ZNRF2: variants seen among roughly 807,000 people sequenced by gnomAD.
The protein encoded by ZNRF2 is zinc and ring finger 2, also known as E3 ubiquitin-protein ligase ZNRF2.
In ZNRF2, 16 loss-of-function variants were observed where a neutral mutation model predicts 20.4. The ratio of observed to expected loss-of-function variants is 0.79; its 90% CI spans 0.53 to 1.19. The LOEUF (loss-of-function observed/expected upper bound fraction) is 1.19. Among genes scored for constraint, ZNRF2 ranks in the 50% most tolerant of loss-of-function variants. The pLI is 0.00. For synonymous variants in ZNRF2, 178 were observed against 144.9 expected, an observed-to-expected ratio of 1.23 and a Z score of -1.64; for missense variants, 363 against 332.4, an observed-to-expected ratio of 1.09 and a Z score of -0.72.
At chr7:30,303,937 ATT>A (rs1306225225) in intron 1 of ZNRF2, among the ~76,000 whole-genome samples, 1 of 152,116 alleles carries the variant, frequency 6.6e-6, no homozygotes, top group Non-Finnish European at 1.5e-5. Context: ...CAGGAACTCT[ATT>A]TGTGGTTCCA....
At position 30,362,415 on chromosome 7, in the gene ZNRF2, C is replaced by T; in HGVS notation, c.710C>T (p.Pro237Leu). Reference protein sequence around the residue: ...DEWFEVNRSCPEHPSD With the variant: ...DEWFEVNRSCLEHPSD ...TGGTTTGAAGTAAATAGATCTTGCCCTGAGCACCCTTCAGATTAAGCGTCA... is the reference window on the plus strand; with the variant it reads ...TGGTTTGAAGTAAATAGATCTTGCCTTGAGCACCCTTCAGATTAAGCGTCA... The change falls in exon 4 of 5, where the codon CCT becomes CTT. Residue 237 changes from proline (P) to leucine (L), a missense_variant. Physicochemically the swap from Pro to Leu is moderately conservative, Grantham distance 98. Around this residue, in one of 2 missense-constraint regions of ZNRF2, gnomAD observed 61 missense variants for 100.9 expected, o/e 0.60. Coordinates refer to ENST00000323037, the MANE Select transcript of ZNRF2 (RefSeq NM_147128.4). The T allele has an allele frequency of 6.3e-7, 1 of 1,599,300 alleles. No individual in the cohort carries two copies. Among genetic ancestry groups the T allele is most frequent in the Non-Finnish European group, 8.5e-7 (1 of 1,170,688 alleles).
intron 2 of ZNRF2, among the ~76,000 whole-genome samples, chr7:30,341,978 G>T (rs999395707): frequency 6.6e-6 from 1 of 151,426 alleles, no homozygotes; most frequent in African/African-American, 2.4e-5. Flanking sequence ...TATGTAATGC[G>T]CTTCTTTGTC....
chr7:30,298,961 C>T (rs147454766), intron 1 of ZNRF2, among the ~76,000 whole-genome samples: 6,098 of 152,260 alleles, frequency 0.04, 394 homozygotes, highest in African/African-American at 0.14. Flanking sequence ...AAAGGTACTG[C>T]TTTTTATTTC....
intron 3 of ZNRF2, among the ~76,000 whole-genome samples, chr7:30,357,159 C>T (rs1800053518): frequency 6.6e-6 from 1 of 152,108 alleles, no homozygotes; most frequent in Admixed American, 6.5e-5. Context: ...TTTGATCTAA[C>T]TGATGTGTAT....
rs184488886 is a variant in ZNRF2, at chr7:30,338,898, C to T, written c.565+15161C>T. Among the ~76,000 whole-genome samples the T allele has an allele frequency of 3.3e-3, 505 of 152,226 alleles. 3 individuals are homozygous for T. Among genetic ancestry groups the T allele is most frequent in the African/African-American group, 0.011 (477 of 41,546 alleles). ...CTAATTTACACTCCCACCAACAGTG[C>T]AAAAGTGTTCCCATTTCTCCACATC... On this transcript the variant is annotated intron_variant, in intron 2 of 4. Transcript: ENST00000323037.
rs546492682 is a variant in ZNRF2 at position 30,292,498 on chromosome 7, A to G, written c.469+6672A>G. ...GGGGCCTTATTATTCTATTTGGGAG[A>G]GATAGTAAACAGACAAGTAAAATAC... On this transcript the variant is annotated intron_variant, in intron 1 of 4. Coordinates refer to ENST00000323037, the MANE Select transcript of ZNRF2 (RefSeq NM_147128.4). Among the ~76,000 whole-genome samples, 12 of 152,204 alleles carry G rather than the reference A, an allele frequency of 7.9e-5. No individual in the cohort carries two copies. In the South Asian group the frequency reaches 2.5e-3, roughly 32 times the overall value.
intron 3 of ZNRF2, among the ~76,000 whole-genome samples, chr7:30,360,006 A>G (rs148202682): frequency 2.5e-4 from 38 of 152,330 alleles, no homozygotes; most frequent in African/African-American, 8.7e-4. Flanking sequence ...CAATTGGCCA[A>G]TAAATAATAC....
intron 1 of ZNRF2, among the ~76,000 whole-genome samples, chr7:30,322,579 GTC>G (rs758895696): frequency 6.6e-6 from 1 of 151,662 alleles, no homozygotes; most frequent in Non-Finnish European, 1.5e-5. Context: ...GGACACCACT[GTC>G]TCTCTTTTAC....
intron 3 of ZNRF2, among the ~76,000 whole-genome samples, chr7:30,360,289 C>T (rs1022656938): frequency 2.2e-4 from 34 of 152,076 alleles, no homozygotes; most frequent in African/African-American, 7.7e-4. Context: ...TGTATTTGGG[C>T]GCAAACTCCT....
intron 1 of ZNRF2, among the ~76,000 whole-genome samples, chr7:30,290,641 A>T (rs1401299174): frequency 6.6e-6 from 1 of 152,244 alleles, no homozygotes; most frequent in East Asian, 1.9e-4. Flanking sequence ...CATTAGAAGC[A>T]AGTCATAGGT....
intron 1 of ZNRF2, among the ~76,000 whole-genome samples, chr7:30,286,261 C>T (rs1798787232): frequency 6.6e-6 from 1 of 152,190 alleles, no homozygotes; most frequent in Non-Finnish European, 1.5e-5. Context: ...CAAAGCGTCT[C>T]AAATGAACAC....
At chr7:30,310,290 T>G (rs979981704) in intron 1 of ZNRF2, among the ~76,000 whole-genome samples, 1 of 152,204 alleles carries the variant, frequency 6.6e-6, no homozygotes, top group Non-Finnish European at 1.5e-5. Flanking sequence ...TACTGGCAGC[T>G]TACAGATGAG....
chr7:30,351,249 T>C (rs1799957612), intron 2 of ZNRF2, among the ~76,000 whole-genome samples: 1 of 152,050 alleles, frequency 6.6e-6, no homozygotes, highest in South Asian at 2.1e-4. Context: ...TTACCTATTA[T>C]ATATTTTAAG....
intron 1 of ZNRF2, among the ~76,000 whole-genome samples, chr7:30,296,855 TA>T (rs1467438088): frequency 6.6e-6 from 1 of 152,226 alleles, no homozygotes; most frequent in African/African-American, 2.4e-5. Flanking sequence ...ATGTATGTGT[TA>T]GGAAAGTTAC....
chr7:30,325,254 T>G (rs887086228), intron 2 of ZNRF2, among the ~76,000 whole-genome samples: 7 of 152,216 alleles, frequency 4.6e-5, no homozygotes, highest in Non-Finnish European at 1.0e-4. Flanking sequence ...TTTCATTTTT[T>G]TTAAATATAA....
intron 1 of ZNRF2, among the ~76,000 whole-genome samples, chr7:30,290,110 A>G (rs1256210016): frequency 2.6e-5 from 4 of 152,152 alleles, no homozygotes; most frequent in Admixed American, 1.3e-4. Flanking sequence ...TTATGTAGCA[A>G]ATTACTTCCT....
chr7:30,327,556 A>G (rs920283130), intron 2 of ZNRF2, among the ~76,000 whole-genome samples: 2 of 152,118 alleles, frequency 1.3e-5, no homozygotes, highest in Non-Finnish European at 1.5e-5. Context: ...TGGGGATACT[A>G]TAACAACCAA....
At chr7:30,304,875 C>G (rs1479946248) in intron 1 of ZNRF2, among the ~76,000 whole-genome samples, 1 of 152,206 alleles carries the variant, frequency 6.6e-6, no homozygotes, top group Non-Finnish European at 1.5e-5. Flanking sequence ...TGTGCTGGAA[C>G]TAGCTCTTCC....
chr7:30,314,788 A>AATATAT lies in ZNRF2; in HGVS notation c.470-8843_470-8838dup, dbSNP rs139581545. On this transcript the variant is annotated intron_variant, in intron 1 of 4. Transcript: ENST00000323037. ...TCTGCATAGTTTTCCAAATATGGGA[A>AATATAT]ATATATATATATATATGTATATATG... Among the ~76,000 whole-genome samples the AATATAT allele has an allele frequency of 8.7e-3, 1,296 of 148,128 alleles. 9 individuals are homozygous for AATATAT. Among genetic ancestry groups the AATATAT allele is most frequent in the African/African-American group, 0.02 (824 of 40,342 alleles).
Sources: allele counts gnomAD v4.1 joint callset (sites outside exome capture counted in the v4.1 genomes callset), GRCh38; gene constraint gnomAD v4.1.1; regional missense constraint gnomAD v4.1.1; transcripts MANE v1.5; gene names NCBI Gene and HGNC (gene_info 2026-07-23, HGNC 2026-07-21).